The following NLGN1 variants were observed in gnomAD, a reference collection of about 807,000 sequenced individuals.
NLGN1 encodes the protein neuroligin 1.
Under a neutral mutation model 65.5 loss-of-function variants are expected in NLGN1, and 12 were observed. The ratio of observed to expected loss-of-function variants is 0.18; its 90% CI spans 0.12 to 0.30. The LOEUF is 0.30. Ranked by LOEUF, NLGN1 falls within the 10% of genes least tolerant of loss-of-function variation. The pLI is 1.00. For missense variants in NLGN1, 750 were observed against 1,007.1 expected (o/e 0.74, Z 3.46); for synonymous variants, 350 against 359.5 (o/e 0.97, Z 0.30).
intron 4 of NLGN1, among the ~76,000 whole-genome samples, chr3:173,911,178 A>G (rs1006743850): frequency 7.2e-5 from 11 of 152,300 alleles, no homozygotes; most frequent in African/African-American, 2.4e-4. Flanking sequence ...AAAATGTACT[A>G]ATTTTTGAAA....
At chr3:173,425,096 G>GGAGA (rs144479239) in intron 1 of NLGN1, among the ~76,000 whole-genome samples, 1 of 151,906 alleles carries the variant, frequency 6.6e-6, no homozygotes. Context: ...GAAGGTGGCA[G>GGAGA]GAGAGAGAGA....
intron 4 of NLGN1, among the ~76,000 whole-genome samples, chr3:174,152,751 C>A (rs951156806): frequency 6.6e-6 from 1 of 152,000 alleles, no homozygotes; most frequent in South Asian, 2.1e-4. Context: ...CATTGAGCAT[C>A]AAGTGAGTCC....
intron 3 of NLGN1, among the ~76,000 whole-genome samples, chr3:173,664,734 A>G (rs1220171378): frequency 1.3e-5 from 2 of 152,122 alleles, no homozygotes; most frequent in East Asian, 1.9e-4. Flanking sequence ...CATGTCAGAG[A>G]TGAGATTACT....
chr3:173,552,902 T>C (rs886765031), intron 2 of NLGN1, among the ~76,000 whole-genome samples: 2 of 152,226 alleles, frequency 1.3e-5, no homozygotes, highest in African/African-American at 4.8e-5. Flanking sequence ...ACTTGAAATC[T>C]GTATGAGAAA....
At chr3:173,846,494 GCCT>G (rs1042990075) in intron 4 of NLGN1, among the ~76,000 whole-genome samples, 4 of 152,270 alleles carry the variant, frequency 2.6e-5, no homozygotes, top group African/African-American at 9.6e-5. Flanking sequence ...ATGGACCTAA[GCCT>G]AGATTAAAAT....
At chr3:173,673,883 A>T (rs2149748429) in intron 3 of NLGN1, among the ~76,000 whole-genome samples, 1 of 152,280 alleles carries the variant, frequency 6.6e-6, no homozygotes, top group East Asian at 1.9e-4. Context: ...AGTGGGCCCA[A>T]GCATAGGGGC....
At chr3:173,883,340 T>G (rs1293006491) in intron 4 of NLGN1, among the ~76,000 whole-genome samples, 1 of 152,168 alleles carries the variant, frequency 6.6e-6, no homozygotes, top group Non-Finnish European at 1.5e-5. Context: ...ATACATAACA[T>G]TTATTGGTAT....
rs756157881 is a variant in NLGN1, at chr3:173,675,887, T to TCTCTCTCTCACACACA, written c.493+70797_493+70798insTCTCTCTCACACACAC. Among the ~76,000 whole-genome samples, 807 of 138,576 alleles carry TCTCTCTCTCACACACA rather than the reference T, an allele frequency of 5.8e-3. 7 individuals carry two copies. The highest frequency in any genetic ancestry group is 0.021 in the African/African-American group (756 of 35,650). The allele number at this position is 138,576 out of a possible 152,430, so 90.9% of individuals were successfully genotyped here. A position where few individuals can be genotyped will look rare whatever the true frequency, so the allele number is the denominator to read the frequency against. On this transcript the variant is annotated intron_variant, in intron 3 of 6. Coordinates refer to ENST00000457714, the Ensembl canonical transcript of NLGN1. Reference sequence around the variant, plus strand: ...CTCTTTGTCTCTCTCTCTCTCTCTCTCACACACACACACACACACACACAC... The same window carrying TCTCTCTCTCACACACA: ...CTCTTTGTCTCTCTCTCTCTCTCTCTCTCTCTCTCACACACACACACACACACACACACACACACAC...
chr3:173,521,189 A>G (rs1734703445), intron 2 of NLGN1, among the ~76,000 whole-genome samples: 1 of 152,234 alleles, frequency 6.6e-6, no homozygotes, highest in African/African-American at 2.4e-5. Context: ...ATGGCAGACA[A>G]CATACATATA....
intron 4 of NLGN1, among the ~76,000 whole-genome samples, chr3:174,120,535 A>G (rs918424444): frequency 6.6e-6 from 1 of 151,966 alleles, no homozygotes; most frequent in Admixed American, 6.6e-5. Flanking sequence ...AAAAGTACTA[A>G]TTTATTACTA....
At chr3:173,722,359 C>T (rs1201235389) in intron 3 of NLGN1, among the ~76,000 whole-genome samples, 1 of 149,346 alleles carries the variant, frequency 6.7e-6, no homozygotes, top group African/African-American at 2.5e-5. Flanking sequence ...TTCTCCTTCT[C>T]AGTCTCCAGA....
chr3:174,145,778 A>G (rs1025409780), intron 4 of NLGN1, among the ~76,000 whole-genome samples: 7 of 152,186 alleles, frequency 4.6e-5, no homozygotes, highest in Admixed American at 4.6e-4. Context: ...ATGCACTGTA[A>G]GGCTAACGGT....
At chr3:173,934,639 A>G (rs1422956893) in intron 4 of NLGN1, among the ~76,000 whole-genome samples, 1 of 151,802 alleles carries the variant, frequency 6.6e-6, no homozygotes, top group African/African-American at 2.4e-5. Context: ...GATCTTTTAC[A>G]CCCTGAAAAA....
chr3:174,291,695 G>A, the NLGN1 span, among the ~76,000 whole-genome samples: 1 of 151,082 alleles, frequency 6.6e-6, no homozygotes, highest in African/African-American at 2.4e-5. Flanking sequence ...AACTGTTATT[G>A]GCATTAAAGA....
Position 173,670,287 on chromosome 3 carries a change from A to G in NLGN1, c.493+65196A>G, listed in dbSNP as rs138717383. On this transcript the variant is annotated intron_variant, in intron 3 of 6. Coordinates refer to ENST00000457714, the Ensembl canonical transcript of NLGN1. Reference sequence around the variant, plus strand: ...CATTCTTTCCATTTTTATTTTAACTATTGGCCCATTGCTTGATGCCAAGAG... The same window carrying G: ...CATTCTTTCCATTTTTATTTTAACTGTTGGCCCATTGCTTGATGCCAAGAG... 5.3e-5 allele frequency among the ~76,000 whole-genome samples: 8 copies of G among 152,242 alleles called. No homozygotes were observed. In the East Asian group the frequency reaches 5.8e-4, roughly 11 times the overall value.
At chr3:174,293,456 A>C in the NLGN1 span, among the ~76,000 whole-genome samples, 1 of 151,696 alleles carries the variant, frequency 6.6e-6, no homozygotes, top group Admixed American at 6.6e-5. Flanking sequence ...GCCCAGTGTA[A>C]TGGATGAAAA....
chr3:173,810,383 A>C (rs556255553), intron 4 of NLGN1, among the ~76,000 whole-genome samples: 1 of 152,178 alleles, frequency 6.6e-6, no homozygotes, highest in Non-Finnish European at 1.5e-5. Flanking sequence ...TCTAATTTGC[A>C]CTTGAGTGAT....
intron 4 of NLGN1, among the ~76,000 whole-genome samples, chr3:173,852,355 CAAAAAAAAAAAAAAAAA>C (rs71162367): frequency 1.5e-4 from 7 of 46,660 alleles, no homozygotes; most frequent in Admixed American, 9.2e-4. Context: ...GACTCCGTCT[CAAAAAAAAAAAAAAAAA>C]AAAAAAAAAA....
intron 2 of NLGN1, among the ~76,000 whole-genome samples, chr3:173,566,299 C>T (rs561379649): frequency 7.2e-5 from 11 of 152,216 alleles, no homozygotes; most frequent in East Asian, 5.8e-4. Flanking sequence ...AGGTTTTAAT[C>T]GTTAGGCATT....
Sources: allele counts gnomAD v4.1 joint callset (sites outside exome capture counted in the v4.1 genomes callset), GRCh38; gene constraint gnomAD v4.1.1; transcripts MANE v1.5; gene names NCBI Gene and HGNC (gene_info 2026-07-23, HGNC 2026-07-21).